CORIN: variants seen among roughly 807,000 people sequenced by gnomAD.
The protein encoded by CORIN is atrial natriuretic peptide-converting enzyme.
A neutral mutation model predicts 125.3 loss-of-function variants in CORIN; 117 were observed. The ratio of observed to expected loss-of-function variants is 0.93; its 90% CI spans 0.80 to 1.09. The LOEUF (loss-of-function observed/expected upper bound fraction) is 1.09, where lower values mean the gene tolerates loss of function less well. Ranked by LOEUF, CORIN falls within the 50% of genes least tolerant of loss-of-function variation. The probability of loss-of-function intolerance (pLI) is 0.00; values close to 1 mark genes in which losing one functional copy is unlikely to be tolerated. For synonymous variants in CORIN, 450 were observed against 466.4 expected (o/e 0.96, Z 0.45); for missense variants, 1,253 against 1,306.7 (o/e 0.96, Z 0.63).
At position 47,837,904 on chromosome 4, in the gene CORIN, C is replaced by T; in HGVS notation, c.46G>A (p.Ala16Thr). The change falls in exon 1 of 22, where the codon GCC becomes ACC. Residue 16 changes from alanine to threonine, a missense_variant. Coordinates refer to ENST00000273857, the MANE Select transcript of CORIN (RefSeq NM_006587.4). ...GATCTTACCGGCTTTGGGGACCCGGCTCTGCGGCAGCGCTCTTCCGGAGCG... is the reference window on the plus strand; with the variant it reads ...GATCTTACCGGCTTTGGGGACCCGGTTCTGCGGCAGCGCTCTTCCGGAGCG... The part of the protein sequence containing the change: ...ALAPEERCRR[A>T]GSPKPVLRAD... The T allele has an allele frequency of 6.2e-7, 1 of 1,613,830 alleles. No homozygotes were observed. The highest frequency in any genetic ancestry group is 1.1e-5 in the South Asian group (1 of 91,074).
intron 9 of CORIN, among the ~76,000 whole-genome samples, chr4:47,677,202 G>A (rs922406690): frequency 1.3e-5 from 2 of 152,126 alleles, no homozygotes; most frequent in African/African-American, 4.8e-5. Context: ...GTACAGACAC[G>A]CAAACTGAGA....
intron 5 of CORIN, among the ~76,000 whole-genome samples, chr4:47,697,640 C>A (rs778038211): frequency 1.3e-4 from 20 of 152,104 alleles, no homozygotes; most frequent in Non-Finnish European, 2.5e-4. Context: ...TCGCTTGAAC[C>A]TGGGAGGCGG....
intron 5 of CORIN, among the ~76,000 whole-genome samples, chr4:47,731,861 T>A (rs1727888156): frequency 6.7e-6 from 1 of 148,360 alleles, no homozygotes; most frequent in Non-Finnish European, 1.5e-5. Context: ...AGAGCAAGAC[T>A]CCATCTCAAA....
At chr4:47,765,312 CAAAA>C (rs59527992) in intron 3 of CORIN, among the ~76,000 whole-genome samples, 111 of 144,062 alleles carry the variant, frequency 7.7e-4, no homozygotes, top group African/African-American at 2.7e-3. Context: ...CTCCGTCCCC[CAAAA>C]AAAAAAAAAA....
rs531609150 is a variant in CORIN at position 47,825,327 on chromosome 4, G to A, written c.63+12560C>T. On this transcript the variant is annotated intron_variant, in intron 1 of 21. Transcript: ENST00000273857. Reference sequence around the variant, plus strand: ...CCTGGGAGTCCCCCTTGCAGGCGAGGTATTCTGCCGGGCTTTCCCACACCA... The same window carrying A: ...CCTGGGAGTCCCCCTTGCAGGCGAGATATTCTGCCGGGCTTTCCCACACCA... 2.6e-5 allele frequency among the ~76,000 whole-genome samples: 4 copies of A among 152,264 alleles called. No individual in the cohort carries two copies. The East Asian group carries it at 7.7e-4, about 29-fold the overall frequency.
intron 17 of CORIN, among the ~76,000 whole-genome samples, chr4:47,625,214 T>C (rs868779558): frequency 2.1e-4 from 32 of 152,116 alleles, no homozygotes; most frequent in Admixed American, 2.0e-3. Flanking sequence ...CTACATCCCC[T>C]CAAAGCCTAA....
At chr4:47,665,393 T>C in intron 10 of CORIN, 130 bp from the exon 11 acceptor site, 1 of 649,408 alleles carries the variant, frequency 1.5e-6, no homozygotes, top group Admixed American at 3.0e-5. Flanking sequence ...CAGTAGTATA[T>C]AACATTTTTT....
chr4:47,664,899 T>G (rs188636329), intron 11 of CORIN, 133 bp downstream of exon 11: 1 of 563,286 alleles, frequency 1.8e-6, no homozygotes, highest in Admixed American at 3.4e-5. Flanking sequence ...TTTGTCTCAC[T>G]TGTTAAATAT....
At chr4:47,606,582 C>G (rs1052288709) in intron 19 of CORIN, among the ~76,000 whole-genome samples, 5 of 152,144 alleles carry the variant, frequency 3.3e-5, no homozygotes, top group Non-Finnish European at 5.9e-5. Flanking sequence ...TTACATAAAG[C>G]CGTCACTAGA....
At chr4:47,701,411 G>C (rs1245690763) in intron 5 of CORIN, among the ~76,000 whole-genome samples, 1 of 152,096 alleles carries the variant, frequency 6.6e-6, no homozygotes, top group Non-Finnish European at 1.5e-5. Flanking sequence ...CTGGCCTTCA[G>C]CTTAAATTCC....
rs1731826629 is a variant in CORIN, at chr4:47,807,024, GTTA to G, written c.84_86del (p.Asn29del). 4 of 1,613,490 alleles carry G rather than the reference GTTA, an allele frequency of 2.5e-6. No individual in the cohort carries two copies. In the Middle Eastern group the frequency reaches 5.0e-4, roughly 200 times the overall value. On this transcript the variant is annotated inframe_deletion, in exon 2 of 22. Transcript: ENST00000273857. ...GCTTCTGAGAGCAGCCATTGCCCAT[GTTA>G]TTGTCATCAGCTCTCAAGACCTAAA... is the stretch of plus-strand genomic sequence containing the variant.
intron 5 of CORIN, among the ~76,000 whole-genome samples, chr4:47,722,606 T>A (rs1169936326): frequency 6.6e-6 from 1 of 152,178 alleles, no homozygotes; most frequent in Non-Finnish European, 1.5e-5. Flanking sequence ...AAGGACAAAG[T>A]TAAAAGAGCA....
At chr4:47,729,401 G>C (rs16860637) in intron 5 of CORIN, among the ~76,000 whole-genome samples, 6,947 of 152,178 alleles carry the variant, frequency 0.046, 478 homozygotes, top group African/African-American at 0.16. Context: ...CATGTTCTAT[G>C]TAACAGCCCT....
At chr4:47,666,761 T>C (rs1724503904) in intron 10 of CORIN, among the ~76,000 whole-genome samples, 1 of 152,212 alleles carries the variant, frequency 6.6e-6, no homozygotes, top group Non-Finnish European at 1.5e-5. Flanking sequence ...AGCAGCCTGT[T>C]ACCAGAGACC....
chr4:47,702,190 G>C (rs1033043284), intron 5 of CORIN, among the ~76,000 whole-genome samples: 50 of 152,014 alleles, frequency 3.3e-4, no homozygotes, highest in African/African-American at 1.1e-3. Flanking sequence ...TGTTTCAAGT[G>C]ACATTTTGCA....
intron 10 of CORIN, among the ~76,000 whole-genome samples, chr4:47,673,340 C>T (rs1361323029): frequency 6.6e-6 from 1 of 150,842 alleles, no homozygotes; most frequent in Admixed American, 6.6e-5. Flanking sequence ...CGTGCCACTG[C>T]ACTCCAGCCT....
intron 6 of CORIN, among the ~76,000 whole-genome samples, chr4:47,690,453 A>G (rs1371495560): frequency 6.6e-6 from 1 of 152,220 alleles, no homozygotes; most frequent in Non-Finnish European, 1.5e-5. Flanking sequence ...CTCACAAATA[A>G]TAAGTCCCTT....
At chr4:47,629,962 T>C (rs1351559365) in intron 16 of CORIN, among the ~76,000 whole-genome samples, 1 of 152,142 alleles carries the variant, frequency 6.6e-6, no homozygotes, top group Non-Finnish European at 1.5e-5. Context: ...CCCTATGGTC[T>C]CATGTCAGAG....
chr4:47,691,105 A>G (rs1725749584), intron 6 of CORIN, among the ~76,000 whole-genome samples: 1 of 152,228 alleles, frequency 6.6e-6, no homozygotes, highest in Admixed American at 6.5e-5. Context: ...TAGCCCCTTC[A>G]AATTTAATGT....
Sources: gnomAD v4.1 joint callset for allele counts (sites outside exome capture counted in the v4.1 genomes callset) on GRCh38, gnomAD v4.1.1 for gene constraint, MANE v1.5 for transcripts, NCBI Gene and HGNC (gene_info 2026-07-23, HGNC 2026-07-21) for gene names.